Variants in ADCY7 observed in about 807,000 individuals in gnomAD.
ADCY7 encodes the protein adenylate cyclase type 7.
A neutral mutation model predicts 120.6 loss-of-function variants in ADCY7; 72 were observed. The ratio of observed to expected loss-of-function variants is 0.60; its 90% confidence interval spans 0.49 to 0.73. The LOEUF (loss-of-function observed/expected upper bound fraction) is 0.73. Among genes scored for constraint, ADCY7 ranks in the 30% least tolerant of loss-of-function variants. The probability of loss-of-function intolerance (pLI) is 0.00; values close to 1 mark genes in which losing one functional copy is unlikely to be tolerated. For synonymous variants in ADCY7, 661 were observed against 628.0 expected (o/e 1.05, Z -0.78); for missense variants, 1,227 against 1,486.0 (o/e 0.83, Z 2.87).
intron 25 of ADCY7, 39 bp downstream of exon 25, chr16:50,315,177 A>C: frequency 6.2e-7 from 1 of 1,610,968 alleles, no homozygotes; most frequent in South Asian, 1.1e-5. Flanking sequence ...TAAGGGGAAA[A>C]GATCTTCCCC....
chr16:50,276,357 G>T (rs1362782187), intron 1 of ADCY7, among the ~76,000 whole-genome samples: 1 of 152,198 alleles, frequency 6.6e-6, no homozygotes, highest in Non-Finnish European at 1.5e-5. Context: ...GAGGGGTGGG[G>T]ACAGGTGCCG....
chr16:50,314,997 G>A lies in ADCY7; in HGVS notation c.2972-17G>A. On this transcript the variant is annotated splice_polypyrimidine_tract_variant and intron_variant, in intron 24 of 25. Transcript: ENST00000673801. ...GCTTTGCCTGCACGCTTGGGTAACTGTAAACATCATCTTCAGGCATAAACC... is the reference window on the plus strand; with the variant it reads ...GCTTTGCCTGCACGCTTGGGTAACTATAAACATCATCTTCAGGCATAAACC... 1 of 1,613,958 alleles carries A rather than the reference G, an allele frequency of 6.2e-7. No individual in the cohort carries two copies. Among genetic ancestry groups the A allele is most frequent in the Non-Finnish European group, 8.5e-7 (1 of 1,179,900 alleles).
At chr16:50,265,692 G>A (rs1371228445), upstream of ADCY7, among the ~76,000 whole-genome samples, 2 of 152,240 alleles carry the variant, frequency 1.3e-5, no homozygotes, top group African/African-American at 4.8e-5. Flanking sequence ...GACCCTGGAT[G>A]TGGGAGGTGG....
In ADCY7 at chr16:50,300,793, C is replaced by T. The variant is rs750571359; in HGVS notation, c.1155C>T (p.Ile385=). 2.2e-5 allele frequency: 34 copies of T among 1,554,612 alleles called. No individual in the cohort carries two copies. Among genetic ancestry groups the T allele is most frequent in the Admixed American group, 7.8e-5 (4 of 51,316 alleles). Residue 385 remains isoleucine, a synonymous_variant, in exon 9 of 26, where the codon ATC becomes ATT. Transcript: ENST00000673801. The part of the protein sequence containing the change: ...IHSGNVLCGV[I]GLRKWQYDVW... ...CGGGGAATGTGCTGTGCGGGGTCATCGGGCTGCGCAAGTGGCAGTATGACG... is the reference window on the plus strand; with the variant it reads ...CGGGGAATGTGCTGTGCGGGGTCATTGGGCTGCGCAAGTGGCAGTATGACG...
At chr16:50,282,358 C>T (rs1055617927) in intron 1 of ADCY7, among the ~76,000 whole-genome samples, 1 of 152,224 alleles carries the variant, frequency 6.6e-6, no homozygotes. Flanking sequence ...GTCCCAGCCT[C>T]TTGCTTCCAG....
chr16:50,313,879 C>G (rs2036629306), intron 22 of ADCY7, 79 bp from the exon 23 acceptor site: 2 of 1,226,160 alleles, frequency 1.6e-6, no homozygotes, highest in South Asian at 2.6e-5. Context: ...GGGAACCCCA[C>G]ACCCTTCCTG....
At chr16:50,251,987 G>C (rs1402760666) in intron 1 of ADCY7, among the ~76,000 whole-genome samples, 1 of 152,228 alleles carries the variant, frequency 6.6e-6, no homozygotes, top group Non-Finnish European at 1.5e-5. Context: ...AAGCTTTGGG[G>C]CTCCAGCCTG....
At chr16:50,302,438 G>A (rs549753062) in intron 10 of ADCY7, among the ~76,000 whole-genome samples, 2 of 152,306 alleles carry the variant, frequency 1.3e-5, no homozygotes, top group East Asian at 3.9e-4. Context: ...GGTTGAGCAG[G>A]GAAAACTGCA....
In ADCY7 at chr16:50,316,047, G is replaced by C. The variant is rs2036784221; in HGVS notation, c.*542G>C. On this transcript the variant is annotated 3_prime_UTR_variant, in exon 26 of 26. Coordinates refer to ENST00000673801, the MANE Select transcript of ADCY7 (RefSeq NM_001114.5). ...ATCTGTAAACGGTTTCAAACAGGTA[G>C]AGAGAAAAACACCACAATTAACACT... The C allele has an allele frequency of 6.5e-6, 1 of 153,352 alleles. No homozygotes were observed. Among genetic ancestry groups the C allele is most frequent in the Non-Finnish European group, 1.5e-5 (1 of 68,784 alleles). The allele number at this position is 153,352 out of a possible 1,614,324, so 9.5% of individuals were successfully genotyped here. A position where few individuals can be genotyped will look rare whatever the true frequency, so the allele number is the denominator to read the frequency against.
At position 50,304,377 on chromosome 16, in the gene ADCY7, G is replaced by T; in HGVS notation, c.1386G>T (p.Pro462=). 1 of 1,536,742 alleles carries T rather than the reference G, an allele frequency of 6.5e-7. No individual in the cohort carries two copies. The highest frequency in any genetic ancestry group is 1.2e-5 in the South Asian group (1 of 80,928). ...GCCCGCAGAGCCAGCAGCCACCCCC[G>T]CCCAGCCAACACCTCCCCAGGCCCA... ...VIDPRSQQPP[P]PSQHLPRPKG... Residue 462 remains proline (P), a synonymous_variant, in exon 11 of 26, where the codon CCG becomes CCT. Transcript: ENST00000673801.
Position 50,310,697 on chromosome 16 carries a change from G to A in ADCY7, c.2171G>A (p.Cys724Tyr). 6.2e-7 allele frequency: 1 copy of A among 1,613,928 alleles called. No individual in the cohort carries two copies. The highest frequency in any genetic ancestry group is 1.3e-5 in the African/African-American group (1 of 75,008). ...ALCEPLPYYT[C>Y]SCVLGFIACS... ...ACCCTGCCCCCTCAGTACTACACCT[G>A]CAGCTGTGTCCTGGGCTTCATCGCC... Residue 724 changes from cysteine (C) to tyrosine (Y), a missense_variant, in exon 19 of 26, where the codon TGC becomes TAC. Cys to Tyr is a radical substitution (Grantham distance 194, BLOSUM62 -2). This residue lies in a region of ADCY7 where 267 missense variants were observed against 270.0 expected (regional missense o/e 0.99). Coordinates refer to ENST00000673801, the MANE Select transcript of ADCY7 (RefSeq NM_001114.5).
At chr16:50,289,344 C>T (rs1337657891) in intron 2 of ADCY7, 2 of 445,338 alleles carry the variant, frequency 4.5e-6, no homozygotes, top group East Asian at 7.7e-5. Flanking sequence ...CCTCAGAATC[C>T]TTTTTAACAC....
Position 50,305,600 on chromosome 16 carries a change from C to A in ADCY7, c.1679+14C>A, listed in dbSNP as rs1467437130. On this transcript the variant is annotated intron_variant, in intron 13 of 25. Transcript: ENST00000673801. ...CAGCTCCACGAGGTGAGGTCTGAGA[C>A]CTCTGTCCACCCCCCTCTCCTCTCC... 1 of 1,585,924 alleles carries A rather than the reference C, an allele frequency of 6.3e-7. No individual in the cohort carries two copies. The highest frequency in any genetic ancestry group is 1.2e-5 in the South Asian group (1 of 86,530).
At chr16:50,255,523 C>T (rs59402890) in intron 1 of ADCY7, among the ~76,000 whole-genome samples, 24,679 of 151,818 alleles carry the variant, frequency 0.16, 2,151 homozygotes, top group African/African-American at 0.19. Flanking sequence ...CAGATAGTGT[C>T]TCACTCTGTC....
chr16:50,264,433 A>G (rs2033136239), upstream of ADCY7, among the ~76,000 whole-genome samples: 1 of 152,222 alleles, frequency 6.6e-6, no homozygotes, highest in Non-Finnish European at 1.5e-5. Context: ...GAACACTTGG[A>G]TAGAAGTCAT....
At chr16:50,273,191 C>T (rs897704181) in intron 1 of ADCY7, among the ~76,000 whole-genome samples, 1 of 152,250 alleles carries the variant, frequency 6.6e-6, no homozygotes. Context: ...ACGTGAAGCC[C>T]CTGAGAACTG....
chr16:50,258,066 TA>T (rs1456618534), intron 1 of ADCY7, among the ~76,000 whole-genome samples: 1 of 152,030 alleles, frequency 6.6e-6, no homozygotes, highest in Non-Finnish European at 1.5e-5. Flanking sequence ...ATTAGCTTTT[TA>T]AAATCAGGAT....
chr16:50,256,000 CTA>C (rs1409145829), intron 1 of ADCY7, among the ~76,000 whole-genome samples: 1 of 142,982 alleles, frequency 7.0e-6, no homozygotes, highest in Non-Finnish European at 1.5e-5. Flanking sequence ...AGGGAAAAAG[CTA>C]TGTGATACTG....
rs1397803458 is a variant in ADCY7, at chr16:50,298,888, T to C, written c.949-16T>C. On this transcript the variant is annotated splice_polypyrimidine_tract_variant and intron_variant, in intron 7 of 25. Transcript: ENST00000673801. ...CCCACATCTTCCAGTGACCAGGCCC[T>C]TCCCTCACCCTGCAGGCCAACGAGT... The C allele has an allele frequency of 1.2e-6, 2 of 1,610,648 alleles. No individual in the cohort carries two copies. Among genetic ancestry groups the C allele is most frequent in the Admixed American group, 1.7e-5 (1 of 59,866 alleles).
Sources: allele counts gnomAD v4.1 joint callset (sites outside exome capture counted in the v4.1 genomes callset), GRCh38; gene constraint gnomAD v4.1.1; regional missense constraint gnomAD v4.1.1; transcripts MANE v1.5; gene names NCBI Gene and HGNC (gene_info 2026-07-23, HGNC 2026-07-21).